SIL1: variants seen among roughly 807,000 people sequenced by gnomAD.
SIL1 encodes the protein SIL1 nucleotide exchange factor, also known as nucleotide exchange factor SIL1.
A neutral mutation model predicts 49.1 loss-of-function variants in SIL1; 40 were observed. That is an observed-to-expected ratio of 0.81 (90% CI 0.63 to 1.06). The LOEUF (loss-of-function observed/expected upper bound fraction) is 1.06, where lower values mean the gene tolerates loss of function less well. Ranked by LOEUF, SIL1 falls within the 50% of genes least tolerant of loss-of-function variation. SIL1 has a pLI of 0.00. For synonymous variants in SIL1, 253 were observed against 250.8 expected (o/e 1.01, Z -0.08); for missense variants, 500 against 572.6 (o/e 0.87, Z 1.29).
intron 3 of SIL1, among the ~76,000 whole-genome samples, chr5:139,109,520 T>C (rs1770795512): frequency 6.6e-6 from 1 of 152,076 alleles, no homozygotes; most frequent in Non-Finnish European, 1.5e-5. Flanking sequence ...TTTCAGATCA[T>C]GACCCCGCAG....
intron 3 of SIL1, among the ~76,000 whole-genome samples, chr5:139,084,160 G>A (rs1463888696): frequency 1.3e-5 from 2 of 151,982 alleles, no homozygotes; most frequent in Non-Finnish European, 2.9e-5. Context: ...ACTTGGCGAT[G>A]CGGGAACACT....
intron 3 of SIL1, among the ~76,000 whole-genome samples, chr5:139,115,338 T>C (rs1770964478): frequency 6.6e-6 from 1 of 152,214 alleles, no homozygotes; most frequent in African/African-American, 2.4e-5. Flanking sequence ...ACTTTGTTAT[T>C]CCTACCAAAC....
chr5:139,017,447 T>C (rs180746086), intron 7 of SIL1, among the ~76,000 whole-genome samples: 2 of 152,212 alleles, frequency 1.3e-5, no homozygotes, highest in Admixed American at 6.5e-5. Context: ...CATGACATCC[T>C]GCAAACTGTG....
chr5:139,062,715 G>T (rs2150466244), intron 3 of SIL1, among the ~76,000 whole-genome samples: 1 of 152,336 alleles, frequency 6.6e-6, no homozygotes. Flanking sequence ...GTTCTAGTGA[G>T]AGAGGTACCT....
intron 1 of SIL1, among the ~76,000 whole-genome samples, chr5:139,170,666 G>A (rs1233852022): frequency 8.1e-5 from 12 of 147,450 alleles, no homozygotes; most frequent in South Asian, 2.1e-4. Flanking sequence ...GAGCCCCTCC[G>A]CCCAGCAGCC....
intron 7 of SIL1, among the ~76,000 whole-genome samples, chr5:139,005,535 C>A (rs1768096912): frequency 7.2e-6 from 1 of 139,048 alleles, no homozygotes; most frequent in African/African-American, 2.7e-5. Context: ...ATGTGCCATG[C>A]TGGTGCGCTG....
intron 7 of SIL1, among the ~76,000 whole-genome samples, chr5:138,986,527 G>C (rs1767652484): frequency 6.6e-6 from 1 of 152,188 alleles, no homozygotes; most frequent in South Asian, 2.1e-4. Flanking sequence ...TTTAATAGAG[G>C]ATAAATCTGG....
intron 5 of SIL1, among the ~76,000 whole-genome samples, chr5:139,034,228 G>T (rs542485457): frequency 1.3e-5 from 2 of 152,024 alleles, no homozygotes; most frequent in Admixed American, 1.3e-4. Context: ...CTTGTAGAAA[G>T]CATATTTTTG....
chr5:139,094,146 A>C (rs537295066), intron 3 of SIL1, among the ~76,000 whole-genome samples: 9 of 152,166 alleles, frequency 5.9e-5, no homozygotes, highest in Non-Finnish European at 1.3e-4. Context: ...TCTCATTTCC[A>C]TGCTGAGCAA....
chr5:139,160,530 G>A (rs1751491012), intron 1 of SIL1, among the ~76,000 whole-genome samples: 1 of 152,166 alleles, frequency 6.6e-6, no homozygotes, highest in Non-Finnish European at 1.5e-5. Flanking sequence ...GTGTATAGCT[G>A]AAATTCTTGC....
rs144011524 is a variant in SIL1 at position 139,197,087 on chromosome 5, G to C, written c.-11+1182C>G. ...AGTTCGAGACCAGCCTGATCAACAT[G>C]GAGAAACCCTGTCTCTATTAAAAAT... On this transcript the variant is annotated intron_variant, in intron 1 of 9. Transcript: ENST00000394817. Among the ~76,000 whole-genome samples the C allele has an allele frequency of 1.4e-4, 21 of 152,138 alleles. No homozygotes were observed. In the East Asian group the frequency reaches 4.1e-3, roughly 29 times the overall value.
chr5:138,966,216 A>C (rs966768117), intron 7 of SIL1, among the ~76,000 whole-genome samples: 2 of 152,156 alleles, frequency 1.3e-5, no homozygotes, highest in Non-Finnish European at 2.9e-5. Flanking sequence ...CCAAGTCAGA[A>C]GGTGGGGGCA....
intron 1 of SIL1, among the ~76,000 whole-genome samples, chr5:139,177,511 T>C (rs977239717): frequency 3.3e-5 from 5 of 152,086 alleles, no homozygotes; most frequent in Admixed American, 6.6e-5. Context: ...ATGCTGGGAT[T>C]ACAGGCATGA....
At chr5:139,049,646 G>T (rs1329056950) in intron 4 of SIL1, among the ~76,000 whole-genome samples, 1 of 152,040 alleles carries the variant, frequency 6.6e-6, no homozygotes, top group Non-Finnish European at 1.5e-5. Flanking sequence ...AAAAAAATTA[G>T]CCAGGCATAG....
At chr5:139,082,588 T>C (rs1014083526) in intron 3 of SIL1, among the ~76,000 whole-genome samples, 8 of 152,224 alleles carry the variant, frequency 5.3e-5, no homozygotes, top group African/African-American at 1.9e-4. Flanking sequence ...GGTATAATAA[T>C]GGATTCCCTA....
intron 3 of SIL1, among the ~76,000 whole-genome samples, chr5:139,110,415 A>G (rs1425263990): frequency 3.9e-5 from 6 of 152,328 alleles, no homozygotes; most frequent in African/African-American, 1.4e-4. Flanking sequence ...CTTTTAATCC[A>G]AAGAAATGGT....
In SIL1 at chr5:138,948,562, C is replaced by T. The variant is rs1766688563; in HGVS notation, c.1030-1089G>A. 6.6e-6 allele frequency among the ~76,000 whole-genome samples: 1 copy of T among 152,174 alleles called. No individual in the cohort carries two copies. The highest frequency in any genetic ancestry group is 2.1e-4 in the South Asian group (1 of 4,828). On this transcript the variant is annotated intron_variant, in intron 9 of 9. Coordinates refer to ENST00000394817, the MANE Select transcript of SIL1 (RefSeq NM_022464.5). This position sits in a 1 kb window ranked among gnomAD's most constrained non-coding sequence, Gnocchi z 4.8. ...ACTGTGCGCGGCCTGGACCCACTCA[C>T]ACCCACTCCTGTCACTCTAACTCTC...
At chr5:139,093,130 T>C (rs760060526) in intron 3 of SIL1, among the ~76,000 whole-genome samples, 8 of 152,130 alleles carry the variant, frequency 5.3e-5, no homozygotes, top group Non-Finnish European at 8.8e-5. Context: ...GTCTCTTTTG[T>C]TCCCCCCCAC....
chr5:139,026,575 G>T (rs1362695811), intron 6 of SIL1, among the ~76,000 whole-genome samples: 1 of 152,082 alleles, frequency 6.6e-6, no homozygotes. Flanking sequence ...TGCACTCCAG[G>T]CTGGGTGACC....
Sources: gnomAD v4.1 joint callset for allele counts (sites outside exome capture counted in the v4.1 genomes callset) on GRCh38, gnomAD v4.1.1 for gene constraint, Gnocchi (gnomAD v3.1) non-coding constraint, MANE v1.5 for transcripts, NCBI Gene and HGNC (gene_info 2026-07-23, HGNC 2026-07-21) for gene names.